PEBP4: variants seen among roughly 807,000 people sequenced by gnomAD.
PEBP4 encodes phosphatidylethanolamine binding protein 4, also known as phosphatidylethanolamine-binding protein 4.
Under a neutral mutation model 23.9 loss-of-function variants are expected in PEBP4, and 22 were observed. The observed-to-expected ratio is 0.92, with a 90% CI of 0.66 to 1.31. The LOEUF is 1.31. Among genes scored for constraint, PEBP4 ranks in the 40% most tolerant of loss-of-function variants. The probability of loss-of-function intolerance (pLI) is 0.00; values close to 1 mark genes in which losing one functional copy is unlikely to be tolerated. For missense variants in PEBP4, 324 were observed against 281.7 expected (o/e 1.15, Z -1.07); for synonymous variants, 112 against 99.3 (o/e 1.13, Z -0.76).
chr8:22,715,631 C>T (rs564399065), intron 6 of PEBP4, among the ~76,000 whole-genome samples: 110 of 152,342 alleles, frequency 7.2e-4, no homozygotes, highest in African/African-American at 2.5e-3. Context: ...CTCAATAGTT[C>T]GGAAGCCTCT....
chr8:22,787,601 C>G (rs555488730), intron 4 of PEBP4, among the ~76,000 whole-genome samples: 1 of 152,244 alleles, frequency 6.6e-6, no homozygotes, highest in Non-Finnish European at 1.5e-5. Context: ...ACTTGCTCCT[C>G]TTTGCCACTG....
chr8:22,873,199 C>T (rs1808045923), intron 3 of PEBP4, among the ~76,000 whole-genome samples: 1 of 152,122 alleles, frequency 6.6e-6, no homozygotes, highest in Non-Finnish European at 1.5e-5. Context: ...TCTTTTTAAA[C>T]CCATTAGAGT....
At chr8:22,722,095 C>CGG (rs1239418122) in intron 6 of PEBP4, among the ~76,000 whole-genome samples, 1 of 152,134 alleles carries the variant, frequency 6.6e-6, no homozygotes, top group Non-Finnish European at 1.5e-5. Flanking sequence ...TAATTTCTAA[C>CGG]GGCTTCCCAG....
At chr8:22,776,589 CCT>C in intron 4 of PEBP4, among the ~76,000 whole-genome samples, 1 of 151,826 alleles carries the variant, frequency 6.6e-6, no homozygotes, top group East Asian at 1.9e-4. Flanking sequence ...TCAGCCGAGT[CCT>C]CTCTGCATTT....
At chr8:22,843,653 TGG>T (rs747675212) in intron 3 of PEBP4, among the ~76,000 whole-genome samples, 48 of 152,316 alleles carry the variant, frequency 3.2e-4, no homozygotes, top group Admixed American at 7.2e-4. Flanking sequence ...TTAGCCTTAT[TGG>T]GCCTGGTCCT....
At chr8:22,806,854 A>G (rs1161387858) in intron 4 of PEBP4, among the ~76,000 whole-genome samples, 1 of 152,216 alleles carries the variant, frequency 6.6e-6, no homozygotes, top group African/African-American at 2.4e-5. Context: ...GCCAAGCTGT[A>G]CTGTGCTTAC....
At chr8:22,932,415 G>A (rs7820804), upstream of PEBP4, among the ~76,000 whole-genome samples, 88,077 of 151,634 alleles carry the variant, frequency 0.58, 26,926 homozygotes, top group African/African-American at 0.79. Context: ...GAGATAAGTG[G>A]AGCATATAGC....
intron 3 of PEBP4, among the ~76,000 whole-genome samples, chr8:22,841,254 T>C (rs947184432): frequency 1.3e-5 from 2 of 152,278 alleles, no homozygotes; most frequent in Admixed American, 6.5e-5. Context: ...AGCCACTCTC[T>C]TCTGTGGCCC....
chr8:22,932,377 A>T (rs1452568540), upstream of PEBP4, among the ~76,000 whole-genome samples: 2 of 152,202 alleles, frequency 1.3e-5, no homozygotes, highest in Non-Finnish European at 2.9e-5. Context: ...AAACCACTGA[A>T]TTATACACTT....
intron 3 of PEBP4, among the ~76,000 whole-genome samples, chr8:22,916,662 T>TCATTCATG (rs773507145): frequency 2.6e-5 from 4 of 152,178 alleles, no homozygotes; most frequent in African/African-American, 9.7e-5. Context: ...ATTCATTCAT[T>TCATTCATG]CATTCATGCA....
chr8:22,909,240 G>C (rs185551033), intron 3 of PEBP4, among the ~76,000 whole-genome samples: 6 of 152,234 alleles, frequency 3.9e-5, no homozygotes, highest in Admixed American at 3.3e-4. Flanking sequence ...GCGAGGCCTG[G>C]GGAGCCACAC....
intron 3 of PEBP4, among the ~76,000 whole-genome samples, chr8:22,847,790 C>G (rs1215450162): frequency 6.6e-6 from 1 of 152,074 alleles, no homozygotes; most frequent in African/African-American, 2.4e-5. Context: ...CTACGTGTCT[C>G]CTTGAGCAAC....
chr8:22,729,354 C>T (rs866518130), intron 4 of PEBP4, among the ~76,000 whole-genome samples: 6 of 152,238 alleles, frequency 3.9e-5, no homozygotes, highest in East Asian at 1.9e-4. Context: ...GCCCAGCCAG[C>T]GGTTGTTTAA....
At chr8:22,925,849 C>A (rs945107618) in intron 2 of PEBP4, among the ~76,000 whole-genome samples, 3 of 152,192 alleles carry the variant, frequency 2.0e-5, no homozygotes, top group African/African-American at 7.2e-5. Context: ...GAGCGAGAAG[C>A]CTGCCAGCCC....
intron 4 of PEBP4, among the ~76,000 whole-genome samples, chr8:22,798,252 C>T (rs1806306238): frequency 6.6e-6 from 1 of 152,144 alleles, no homozygotes; most frequent in Non-Finnish European, 1.5e-5. Context: ...GGAGAGAATG[C>T]TCTTCCCAGG....
intron 4 of PEBP4, among the ~76,000 whole-genome samples, chr8:22,795,319 G>A (rs933692917): frequency 6.6e-6 from 1 of 150,986 alleles, no homozygotes; most frequent in Non-Finnish European, 1.5e-5. Flanking sequence ...GGGATTACAG[G>A]CATGTGCCAC....
At chr8:22,934,383 A>G (rs1331540968) in intron 1 of PEBP4, among the ~76,000 whole-genome samples, 1 of 152,238 alleles carries the variant, frequency 6.6e-6, no homozygotes, top group Non-Finnish European at 1.5e-5. Flanking sequence ...AAATTAGATC[A>G]TTATAACTTT....
chr8:22,791,761 C>T (rs1353132674), intron 4 of PEBP4, among the ~76,000 whole-genome samples: 1 of 152,226 alleles, frequency 6.6e-6, no homozygotes, highest in Non-Finnish European at 1.5e-5. Context: ...TTAATAAGCA[C>T]TTACTCTTCA....
At chr8:22,940,725 G>A (rs1350363910) in intron 1 of PEBP4, among the ~76,000 whole-genome samples, 1 of 152,082 alleles carries the variant, frequency 6.6e-6, no homozygotes, top group Non-Finnish European at 1.5e-5. Context: ...TCCTGACCTC[G>A]TGATCTGCCT....
Sources: allele counts gnomAD v4.1 joint callset (sites outside exome capture counted in the v4.1 genomes callset), GRCh38; gene constraint gnomAD v4.1.1; transcripts MANE v1.5; gene names NCBI Gene and HGNC (gene_info 2026-07-23, HGNC 2026-07-21).